CAPZB: variants seen among roughly 807,000 people sequenced by gnomAD.
CAPZB encodes the protein F-actin-capping protein subunit beta.
In CAPZB, 2 loss-of-function variants were observed where a neutral mutation model predicts 38.1. The ratio of observed to expected loss-of-function variants is 0.05; its 90% CI spans 0.02 to 0.17. CAPZB has a LOEUF of 0.17. Ranked by LOEUF, CAPZB falls within the 10% of genes least tolerant of loss-of-function variation. The pLI is 1.00. For missense variants in CAPZB, 161 were observed against 334.2 expected (o/e 0.48, Z 4.04); for synonymous variants, 107 against 127.4 (o/e 0.84, Z 1.08).
At chr1:19,402,777 G>A (rs1159521502) in intron 2 of CAPZB, among the ~76,000 whole-genome samples, 1 of 152,228 alleles carries the variant, frequency 6.6e-6, no homozygotes, top group Non-Finnish European at 1.5e-5. Flanking sequence ...GCTGGGAGCG[G>A]TGGCTCACCT....
intron 6 of CAPZB, among the ~76,000 whole-genome samples, chr1:19,347,782 C>G (rs965977042): frequency 6.6e-6 from 1 of 152,152 alleles, no homozygotes; most frequent in Non-Finnish European, 1.5e-5. Flanking sequence ...CGGCAGCCAC[C>G]TTTTTCCATC....
chr1:19,389,910 C>T (rs11811765), intron 2 of CAPZB, among the ~76,000 whole-genome samples: 3,439 of 152,316 alleles, frequency 0.023, 137 homozygotes, highest in African/African-American at 0.077. Context: ...TGTTCTAATA[C>T]TGCCAATGAC....
chr1:19,411,849 C>A (rs908185946), intron 2 of CAPZB, among the ~76,000 whole-genome samples: 2 of 152,194 alleles, frequency 1.3e-5, no homozygotes, highest in Admixed American at 6.5e-5. Flanking sequence ...TGGCTGCCAC[C>A]TGGACACAAA....
chr1:19,406,458 G>A (rs923603156), intron 2 of CAPZB, among the ~76,000 whole-genome samples: 11 of 152,132 alleles, frequency 7.2e-5, no homozygotes, highest in Non-Finnish European at 1.5e-4. Context: ...TACCCACTAC[G>A]GAGACTGAGT....
chr1:19,435,535 C>T (rs531414257), intron 1 of CAPZB, among the ~76,000 whole-genome samples: 4 of 152,328 alleles, frequency 2.6e-5, no homozygotes, highest in South Asian at 4.1e-4. Context: ...AGGTAGTGCA[C>T]GGCAGGCGCT....
chr1:19,341,706 G>A (rs1266203088), intron 8 of CAPZB, among the ~76,000 whole-genome samples: 1 of 152,210 alleles, frequency 6.6e-6, no homozygotes, highest in African/African-American at 2.4e-5. Flanking sequence ...CTTAAAAAGA[G>A]TTTTTTCTCA....
chr1:19,440,856 C>G (rs1254968139), intron 1 of CAPZB, among the ~76,000 whole-genome samples: 1 of 152,124 alleles, frequency 6.6e-6, no homozygotes, highest in East Asian at 1.9e-4. Flanking sequence ...GTCAGGAGAT[C>G]GAGACCACCT....
intron 1 of CAPZB, chr1:19,484,040 T>A: frequency 1.3e-6 from 1 of 753,666 alleles, no homozygotes; most frequent in Non-Finnish European, 2.1e-6. Flanking sequence ...GGGCCTGTCC[T>A]GCAGAAGGGT....
chr1:19,478,434 T>G (rs151026795), intron 1 of CAPZB, among the ~76,000 whole-genome samples: 3 of 152,238 alleles, frequency 2.0e-5, no homozygotes, highest in Non-Finnish European at 4.4e-5. Flanking sequence ...GCCAGGTGAA[T>G]GGCAACCACC....
At chr1:19,444,162 A>G (rs79896581) in intron 1 of CAPZB, among the ~76,000 whole-genome samples, 3 of 86,514 alleles carry the variant, frequency 3.5e-5, no homozygotes, top group Admixed American at 1.2e-4. Flanking sequence ...CGTCTCAAGG[A>G]AAAAAAAAAA....
intron 8 of CAPZB, among the ~76,000 whole-genome samples, chr1:19,343,836 C>T (rs1253529332): frequency 6.6e-6 from 1 of 152,220 alleles, no homozygotes; most frequent in Non-Finnish European, 1.5e-5. Flanking sequence ...TGGCAGAGGA[C>T]GTCAGAGAGG....
chr1:19,353,587 G>A (rs1196888620), intron 6 of CAPZB, among the ~76,000 whole-genome samples: 2 of 151,938 alleles, frequency 1.3e-5, no homozygotes, highest in African/African-American at 2.4e-5. Context: ...CCTGATCCAG[G>A]CCCTTGTCAT....
chr1:19,397,730 C>T (rs2094279769), intron 2 of CAPZB, among the ~76,000 whole-genome samples: 1 of 152,208 alleles, frequency 6.6e-6, no homozygotes, highest in African/African-American at 2.4e-5. Flanking sequence ...TGGCCTCAGG[C>T]TTTATAAACC....
At chr1:19,354,039 G>A (rs1396414285) in intron 6 of CAPZB, among the ~76,000 whole-genome samples, 1 of 152,218 alleles carries the variant, frequency 6.6e-6, no homozygotes, top group African/African-American at 2.4e-5. Context: ...CACAGAGGAC[G>A]AATTAAGACC....
intron 1 of CAPZB, among the ~76,000 whole-genome samples, chr1:19,462,931 A>T (rs2100746682): frequency 6.6e-6 from 1 of 152,372 alleles, no homozygotes. Flanking sequence ...AGTGCTCAAG[A>T]GCTGTATGTG....
intron 1 of CAPZB, among the ~76,000 whole-genome samples, chr1:19,469,663 A>T (rs2094579934): frequency 6.6e-6 from 1 of 151,776 alleles, no homozygotes; most frequent in Non-Finnish European, 1.5e-5. Context: ...AAGAAGGTGC[A>T]GAGAGAAAAA....
chr1:19,469,739 A>AACACACACAC (rs1368840384), intron 1 of CAPZB, among the ~76,000 whole-genome samples: 1 of 74,084 alleles, frequency 1.3e-5, no homozygotes, highest in Non-Finnish European at 2.7e-5. Flanking sequence ...GGAGGAAAAG[A>AACACACACAC]ATACACACAC....
At chr1:19,479,277 A>T (rs1353718323) in intron 1 of CAPZB, among the ~76,000 whole-genome samples, 2 of 152,138 alleles carry the variant, frequency 1.3e-5, no homozygotes, top group Non-Finnish European at 2.9e-5. Context: ...CCGCCACCCC[A>T]CCATCTCCCT....
intron 4 of CAPZB, among the ~76,000 whole-genome samples, chr1:19,367,462 G>A (rs557201473): frequency 3.3e-5 from 5 of 152,302 alleles, no homozygotes; most frequent in South Asian, 4.1e-4. Flanking sequence ...TACTGGGAGC[G>A]GTTCCGTACC....
Sources: allele counts gnomAD v4.1 joint callset (sites outside exome capture counted in the v4.1 genomes callset), GRCh38; gene constraint gnomAD v4.1.1; transcripts MANE v1.5; gene names NCBI Gene and HGNC (gene_info 2026-07-23, HGNC 2026-07-21).